Variants in ADAM9 observed in about 807,000 individuals in gnomAD.
ADAM9 encodes the protein disintegrin and metalloproteinase domain-containing protein 9.
A neutral mutation model predicts 108.1 loss-of-function variants in ADAM9; 54 were observed. The observed-to-expected ratio is 0.50, with a 90% CI of 0.40 to 0.63. The LOEUF is 0.63. Ranked by LOEUF, ADAM9 falls within the 20% of genes least tolerant of loss-of-function variation. The probability of loss-of-function intolerance (pLI) is 0.00; values close to 1 mark genes in which losing one functional copy is unlikely to be tolerated. For missense variants in ADAM9, 830 were observed against 997.7 expected (o/e 0.83, Z 2.26); for synonymous variants, 316 against 336.0 (o/e 0.94, Z 0.65).
intron 14 of ADAM9, among the ~76,000 whole-genome samples, chr8:39,065,584 C>T (rs377240787): frequency 1.0e-4 from 15 of 146,976 alleles, no homozygotes; most frequent in African/African-American, 2.5e-4. Context: ...GGCGTGAACC[C>T]GGGAGGCGGA....
chr8:39,005,586 T>G (rs1836135963), intron 1 of ADAM9, among the ~76,000 whole-genome samples: 1 of 152,218 alleles, frequency 6.6e-6, no homozygotes, highest in Non-Finnish European at 1.5e-5. Context: ...GCCATCCCTC[T>G]TGTTTATTCT....
At chr8:39,099,967 C>T (rs1283117823) in intron 20 of ADAM9, among the ~76,000 whole-genome samples, 1 of 147,658 alleles carries the variant, frequency 6.8e-6, no homozygotes, top group East Asian at 2.0e-4. Context: ...GCAACCACTG[C>T]CTCTCGGGTT....
At chr8:39,016,569 G>A (rs897489767) in intron 5 of ADAM9, among the ~76,000 whole-genome samples, 5 of 152,072 alleles carry the variant, frequency 3.3e-5, no homozygotes, top group Admixed American at 6.5e-5. Flanking sequence ...CTGTATTTAG[G>A]TGAGCAAACT....
At chr8:39,081,874 C>T (rs1839034921) in intron 16 of ADAM9, among the ~76,000 whole-genome samples, 1 of 152,124 alleles carries the variant, frequency 6.6e-6, no homozygotes, top group African/African-American at 2.4e-5. Context: ...AAACGTTAGT[C>T]TTCTTTTTTT....
chr8:39,003,398 A>C (rs1247248451), intron 1 of ADAM9, among the ~76,000 whole-genome samples: 8 of 152,004 alleles, frequency 5.3e-5, no homozygotes, highest in Non-Finnish European at 1.0e-4. Flanking sequence ...TTGAAGGTTT[A>C]TACAAATAAT....
chr8:39,083,631 C>A (rs1355630754), intron 18 of ADAM9, among the ~76,000 whole-genome samples: 3 of 152,144 alleles, frequency 2.0e-5, no homozygotes, highest in Non-Finnish European at 4.4e-5. Context: ...TCAGATTATA[C>A]CTCATTTTCT....
intron 12 of ADAM9, among the ~76,000 whole-genome samples, chr8:39,045,710 T>G (rs938058829): frequency 6.6e-6 from 1 of 152,068 alleles, no homozygotes; most frequent in Non-Finnish European, 1.5e-5. Context: ...TAACGATTTA[T>G]TTTCCTCTGG....
In ADAM9 at chr8:39,056,037, A is replaced by G. The variant is rs541374975; in HGVS notation, c.1591+265A>G. Among the ~76,000 whole-genome samples, 145 of 152,164 alleles carry G rather than the reference A, an allele frequency of 9.5e-4. 1 individual carries two copies. Among genetic ancestry groups the G allele is most frequent in the African/African-American group, 3.3e-3 (139 of 41,532 alleles). ...TACATATATAGTATCTAGTTTTAAT[A>G]ATGTTGAATTGTGCACAAGGATCTG... On this transcript the variant is annotated intron_variant, in intron 14 of 21. Coordinates refer to ENST00000487273, the MANE Select transcript of ADAM9 (RefSeq NM_003816.3).
intron 18 of ADAM9, among the ~76,000 whole-genome samples, chr8:39,085,738 C>A (rs1473015734): frequency 2.0e-5 from 3 of 152,064 alleles, no homozygotes; most frequent in Non-Finnish European, 4.4e-5. Flanking sequence ...TTTTTCTAAT[C>A]TCTGGTCACT....
intron 18 of ADAM9, among the ~76,000 whole-genome samples, chr8:39,083,970 TC>T (rs1839102095): frequency 6.6e-6 from 1 of 152,178 alleles, no homozygotes; most frequent in African/African-American, 2.4e-5. Flanking sequence ...TCCCCCAATT[TC>T]CCCACATCCT....
At chr8:39,093,230 A>G (rs1298515773) in intron 20 of ADAM9, among the ~76,000 whole-genome samples, 2 of 152,176 alleles carry the variant, frequency 1.3e-5, no homozygotes, top group Non-Finnish European at 2.9e-5. Context: ...AGCATGGGAT[A>G]TCTTTCCATT....
At position 39,104,297 on chromosome 8, in the gene ADAM9, C is replaced by T; in HGVS notation, c.*597C>T. 4 of 452,718 alleles carry T rather than the reference C, an allele frequency of 8.8e-6. No homozygotes were observed. Among genetic ancestry groups the T allele is most frequent in the Non-Finnish European group, 1.8e-5 (4 of 225,842 alleles). 28.0% of individuals were successfully genotyped at this position (452,718 alleles called of 1,614,324 possible). Reference sequence around the variant, plus strand: ...AAGATGTCATATTATTTTGAAAGTACAAAATATACTAAAAGAGTGTGTGTG... The same window carrying T: ...AAGATGTCATATTATTTTGAAAGTATAAAATATACTAAAAGAGTGTGTGTG... On this transcript the variant is annotated 3_prime_UTR_variant, in exon 22 of 22. Coordinates refer to ENST00000487273, the MANE Select transcript of ADAM9 (RefSeq NM_003816.3).
intron 20 of ADAM9, among the ~76,000 whole-genome samples, chr8:39,099,818 ATTAAT>A (rs1216455334): frequency 5.3e-5 from 8 of 150,780 alleles, no homozygotes; most frequent in Non-Finnish European, 7.4e-5. Flanking sequence ...GCTTGTTTTC[ATTAAT>A]TTATATTTAA....
chr8:39,104,955 CA>C lies in ADAM9; in HGVS notation c.*1256del. 2.3e-6 allele frequency: 1 copy of C among 427,664 alleles called. No homozygotes were observed. The highest frequency in any genetic ancestry group is 4.5e-6 in the Non-Finnish European group (1 of 219,832). 26.5% of individuals were successfully genotyped at this position (427,664 alleles called of 1,614,324 possible). A position where few individuals can be genotyped will look rare whatever the true frequency, so the allele number is the denominator to read the frequency against. On this transcript the variant is annotated 3_prime_UTR_variant, in exon 22 of 22. Coordinates refer to ENST00000487273, the MANE Select transcript of ADAM9 (RefSeq NM_003816.3). ...AGTGTTTTTGGTTTGTGTATATATA[CA>C]TATACAAATACAACATTTACAATAA...
rs1446492125 is a variant in ADAM9 at position 39,067,789 on chromosome 8, G to C, written c.1592-3509G>C. Reference sequence around the variant, plus strand: ...AGAACTTCCAACAGTATGTTGAATAGGAGTGGTGAGAGAGGGCATCCCTGT... The same window carrying C: ...AGAACTTCCAACAGTATGTTGAATACGAGTGGTGAGAGAGGGCATCCCTGT... On this transcript the variant is annotated intron_variant, in intron 14 of 21. Transcript: ENST00000487273. Among the ~76,000 whole-genome samples, 4 of 152,324 alleles carry C rather than the reference G, an allele frequency of 2.6e-5. No homozygotes were observed. The South Asian group carries it at 6.2e-4, about 24-fold the overall frequency.
chr8:39,058,548 A>C (rs957703165), intron 14 of ADAM9, among the ~76,000 whole-genome samples: 1 of 152,198 alleles, frequency 6.6e-6, no homozygotes, highest in South Asian at 2.1e-4. Flanking sequence ...CATTCTAGAC[A>C]TACTCTTCCT....
chr8:39,075,144 T>C (rs1349116751), intron 15 of ADAM9, among the ~76,000 whole-genome samples: 4 of 152,138 alleles, frequency 2.6e-5, no homozygotes, highest in Non-Finnish European at 1.5e-5. Context: ...TGACCTCAAA[T>C]GATCCGCTTA....
At chr8:39,068,151 AT>A (rs1564342832) in intron 14 of ADAM9, among the ~76,000 whole-genome samples, 1 of 152,116 alleles carries the variant, frequency 6.6e-6, no homozygotes, top group African/African-American at 2.4e-5. Context: ...CACATTAGCC[AT>A]GTTCCTCAGC....
chr8:39,093,998 C>T (rs1022940238), intron 20 of ADAM9, among the ~76,000 whole-genome samples: 2 of 152,124 alleles, frequency 1.3e-5, no homozygotes, highest in African/African-American at 2.4e-5. Flanking sequence ...TCTTGAACTC[C>T]GGACCTCAGG....
Sources: gnomAD v4.1 joint callset for allele counts (sites outside exome capture counted in the v4.1 genomes callset) on GRCh38, gnomAD v4.1.1 for gene constraint, MANE v1.5 for transcripts, NCBI Gene and HGNC (gene_info 2026-07-23, HGNC 2026-07-21) for gene names.